The following NRXN2 variants were observed in gnomAD, a reference collection of about 807,000 sequenced individuals.
NRXN2 encodes the protein neurexin 2.
In NRXN2, 29 loss-of-function variants were observed where a neutral mutation model predicts 128.8. The observed-to-expected ratio is 0.23, with a 90% CI of 0.17 to 0.31. The LOEUF is 0.31. Ranked by LOEUF, NRXN2 falls within the 10% of genes least tolerant of loss-of-function variation. The pLI is 1.00. For synonymous variants in NRXN2, 1,098 were observed against 1,075.2 expected, an observed-to-expected ratio of 1.02 and a Z score of -0.41; for missense variants, 1,881 against 2,452.6, an observed-to-expected ratio of 0.77 and a Z score of 4.92.
At position 64,660,301 on chromosome 11, in the gene NRXN2, G is replaced by A; in HGVS notation, c.2389+31C>T. 6.2e-7 allele frequency: 1 copy of A among 1,608,678 alleles called. No individual in the cohort carries two copies. Among genetic ancestry groups the A allele is most frequent in the South Asian group, 1.1e-5 (1 of 90,918 alleles). ...GTGGGTCAGAGACAAGGCCAGGTGA[G>A]GGGTCAGGAAGCACAGGGCAGGGTG... On this transcript the variant is annotated intron_variant, in intron 11 of 22. Coordinates refer to ENST00000265459, the MANE Select transcript of NRXN2 (RefSeq NM_015080.4). This position sits in a 1 kb window ranked among gnomAD's most constrained non-coding sequence, Gnocchi z 5.2.
chr11:64,650,778 C>A (rs2047353288), intron 14 of NRXN2, 140 bp from the exon 15 acceptor site: 10 of 758,156 alleles, frequency 1.3e-5, no homozygotes, highest in Non-Finnish European at 2.0e-5. Flanking sequence ...GGAGAGCGAC[C>A]AAAACCAATG....
intron 3 of NRXN2, 90 bp downstream of exon 3, chr11:64,697,685 G>C: frequency 6.7e-6 from 10 of 1,483,748 alleles, no homozygotes; most frequent in Non-Finnish European, 8.4e-6. Context: ...TGGCAGGAAA[G>C]GGAGTCCTTG....
chr11:64,700,265 A>G (rs976974006), intron 2 of NRXN2, among the ~76,000 whole-genome samples: 8 of 152,180 alleles, frequency 5.3e-5, no homozygotes, highest in Non-Finnish European at 1.2e-4. Context: ...GTGTCCACCC[A>G]GCAGTGCAAT....
chr11:64,662,706 C>T (rs1048767537), intron 9 of NRXN2, among the ~76,000 whole-genome samples: 3 of 151,824 alleles, frequency 2.0e-5, no homozygotes, highest in Non-Finnish European at 4.4e-5. Flanking sequence ...GGTGTGAACC[C>T]GGGAGGCAGA....
At chr11:64,662,782 A>C (rs2049225111) in intron 9 of NRXN2, among the ~76,000 whole-genome samples, 1 of 148,758 alleles carries the variant, frequency 6.7e-6, no homozygotes, top group Non-Finnish European at 1.5e-5. Flanking sequence ...ATTCTGTCTC[A>C]AAAAAAAAAA....
chr11:64,667,493 G>C lies in NRXN2; in HGVS notation c.1555C>G (p.Leu519Val), dbSNP rs1261661319. The C allele has an allele frequency of 1.9e-6, 3 of 1,613,994 alleles. No individual in the cohort carries two copies. The highest frequency in any genetic ancestry group is 2.2e-5 in the East Asian group (1 of 44,878). ...WSAKRTGSISLDFRTTEPNGL... is the reference protein window; with the variant it reads ...WSAKRTGSISVDFRTTEPNGL... ...TTGGGCTCGGTGGTGCGGAAGTCTAGGGAGATGGAGCCAGTGCGCTTAGCG... is the reference window on the plus strand; with the variant it reads ...TTGGGCTCGGTGGTGCGGAAGTCTACGGAGATGGAGCCAGTGCGCTTAGCG... Residue 519 changes from leucine (L) to valine (V), a missense_variant, in exon 9 of 23, where the codon CTA becomes GTA. Around this residue, in one of 7 missense-constraint regions of NRXN2, gnomAD observed 997 missense variants for 1,240.8 expected, o/e 0.80. Coordinates refer to ENST00000265459, the MANE Select transcript of NRXN2 (RefSeq NM_015080.4). The surrounding 1 kb of genome is among the most constrained non-coding windows in gnomAD (Gnocchi z 5.6).
At chr11:64,610,398 A>G (rs772410717) in intron 22 of NRXN2, among the ~76,000 whole-genome samples, 4 of 152,198 alleles carry the variant, frequency 2.6e-5, no homozygotes, top group Non-Finnish European at 5.9e-5. Flanking sequence ...GTAGGTGCCC[A>G]GCAAGGTGAG....
chr11:64,607,577 C>A lies in NRXN2; in HGVS notation c.4758G>T (p.Thr1586=). The A allele has an allele frequency of 6.5e-7, 1 of 1,534,028 alleles. No individual in the cohort carries two copies. Among genetic ancestry groups the A allele is most frequent in the Non-Finnish European group, 8.7e-7 (1 of 1,144,560 alleles). Residue 1586 remains threonine (T), a synonymous_variant, in exon 23 of 23, where the codon ACG becomes ACT. Transcript: ENST00000265459. ...ENPPLGPGAP[T]SFEPRRPPPL... Reference sequence around the variant, plus strand: ...GAGGGGGCCTCCGCGGCTCAAAGGACGTGGGGGCCCCGGGCCCCAAGGGCG... The same window carrying A: ...GAGGGGGCCTCCGCGGCTCAAAGGAAGTGGGGGCCCCGGGCCCCAAGGGCG...
chr11:64,614,339 A>T (rs1416091119), intron 22 of NRXN2, among the ~76,000 whole-genome samples: 1 of 152,192 alleles, frequency 6.6e-6, no homozygotes, highest in Non-Finnish European at 1.5e-5. Flanking sequence ...GCAACAAGGA[A>T]ATAAATGAGG....
At chr11:64,641,545 G>A (rs1270058152) in intron 17 of NRXN2, among the ~76,000 whole-genome samples, 3 of 151,928 alleles carry the variant, frequency 2.0e-5, no homozygotes, top group Admixed American at 2.0e-4. Context: ...AGAGTATGGA[G>A]GACAGAGATG....
chr11:64,623,259 G>A lies in NRXN2; in HGVS notation c.3848-181C>T. 1 of 1,112,676 alleles carries A rather than the reference G, an allele frequency of 9.0e-7. No homozygotes were observed. Among genetic ancestry groups the A allele is most frequent in the Non-Finnish European group, 1.2e-6 (1 of 804,796 alleles). The allele number at this position is 1,112,676 out of a possible 1,614,324, so 68.9% of individuals were successfully genotyped here. On this transcript the variant is annotated intron_variant, in intron 20 of 22. Transcript: ENST00000265459. This position sits in a 1 kb window ranked among gnomAD's most constrained non-coding sequence, Gnocchi z 4.9. ...AAAGCCAAAGGGAAAGTCCTTGTCA[G>A]CCACAGCCCCTAGCCCAGCCAGGTG...
chr11:64,613,557 C>A (rs2041000559), intron 22 of NRXN2, among the ~76,000 whole-genome samples: 1 of 152,218 alleles, frequency 6.6e-6, no homozygotes, highest in African/African-American at 2.4e-5. Flanking sequence ...CCTTCTCCTG[C>A]AGTGACCTTG....
chr11:64,675,694 T>G (rs2051215117), intron 7 of NRXN2: 1 of 152,860 alleles, frequency 6.5e-6, no homozygotes, highest in Non-Finnish European at 1.5e-5. Context: ...AGCAAAGGGC[T>G]AGCCCCAGCT....
At chr11:64,615,870 A>G (rs76504875) in intron 22 of NRXN2, among the ~76,000 whole-genome samples, 13 of 77,024 alleles carry the variant, frequency 1.7e-4, no homozygotes, top group East Asian at 8.0e-4. Context: ...GTGTGTGTGT[A>G]TGTGTATACC....
Position 64,660,765 on chromosome 11 carries a change from C to A in NRXN2, c.2173G>T (p.Val725Phe). ...DCIGTGFLGRVCEREATVLSY... is the reference protein window; with the variant it reads ...DCIGTGFLGRFCEREATVLSY... ...AGACCAGCCTCACCTCTCTCACAGA[C>A]CCGCCCAAGAAAGCCGGTCCCGATG... The change falls in exon 10 of 23, where the codon GTC (valine) becomes TTC (phenylalanine). Residue 725 changes from valine to phenylalanine, a missense_variant. Val to Phe is a conservative substitution (Grantham distance 50). This residue lies in a region of NRXN2 where 997 missense variants were observed against 1,240.8 expected (regional missense o/e 0.80). Transcript: ENST00000265459. The surrounding 1 kb of genome is among the most constrained non-coding windows in gnomAD (Gnocchi z 5.2). 6.2e-7 allele frequency: 1 copy of A among 1,612,264 alleles called. No individual in the cohort carries two copies. The highest frequency in any genetic ancestry group is 8.5e-7 in the Non-Finnish European group (1 of 1,180,006).
At chr11:64,608,544 A>G (rs2040101426) in intron 22 of NRXN2, among the ~76,000 whole-genome samples, 1 of 143,820 alleles carries the variant, frequency 7.0e-6, no homozygotes, top group African/African-American at 2.6e-5. Flanking sequence ...ATAGCATACC[A>G]CGGAATTCAG....
chr11:64,639,860 G>A (rs2045396520), intron 17 of NRXN2, among the ~76,000 whole-genome samples: 1 of 152,128 alleles, frequency 6.6e-6, no homozygotes, highest in South Asian at 2.1e-4. Context: ...GAGGAAGCCT[G>A]GCCTGGAAAG....
chr11:64,660,338 T>A lies in NRXN2; in HGVS notation c.2383A>T (p.Asn795Tyr). 1 of 1,613,272 alleles carries A rather than the reference T, an allele frequency of 6.2e-7. No individual in the cohort carries two copies. The highest frequency in any genetic ancestry group is 8.5e-7 in the Non-Finnish European group (1 of 1,179,844). The change falls in exon 11 of 23, where the codon AAC becomes TAC. Residue 795 changes from asparagine to tyrosine, a missense_variant. Coordinates refer to ENST00000265459, the MANE Select transcript of NRXN2 (RefSeq NM_015080.4). The surrounding 1 kb of genome is among the most constrained non-coding windows in gnomAD (Gnocchi z 5.2). Reference protein sequence around the residue: ...LDGGQMKLTVNLDCLRVGCAP... With the variant: ...LDGGQMKLTVYLDCLRVGCAP... Reference sequence around the variant, plus strand: ...CACAGGGCAGGGTGGTTACCGAGGTTGACAGTGAGCTTCATCTGCCCCCCA... The same window carrying A: ...CACAGGGCAGGGTGGTTACCGAGGTAGACAGTGAGCTTCATCTGCCCCCCA...
chr11:64,688,054 AG>A (rs2053304407), intron 5 of NRXN2, among the ~76,000 whole-genome samples: 1 of 152,214 alleles, frequency 6.6e-6, no homozygotes, highest in Admixed American at 6.5e-5. Context: ...GTATCATTAA[AG>A]AGAGTCAAAC....
Sources: allele counts gnomAD v4.1 joint callset (sites outside exome capture counted in the v4.1 genomes callset), GRCh38; gene constraint gnomAD v4.1.1; regional missense constraint gnomAD v4.1.1; non-coding constraint Gnocchi (gnomAD v3.1); transcripts MANE v1.5; gene names NCBI Gene and HGNC (gene_info 2026-07-23, HGNC 2026-07-21).